The following PRKN variants were observed in gnomAD, a reference collection of about 807,000 sequenced individuals.
PRKN encodes the protein parkin RBR E3 ubiquitin protein ligase.
In PRKN, 56 loss-of-function variants were observed where a neutral mutation model predicts 59.5. The observed-to-expected ratio is 0.94, with a 90% CI of 0.76 to 1.18. The LOEUF (loss-of-function observed/expected upper bound fraction) is 1.18, where lower values mean the gene tolerates loss of function less well. Ranked by LOEUF, PRKN falls within the 50% of genes most tolerant of loss-of-function variation. PRKN has a pLI of 0.00. For synonymous variants in PRKN, 250 were observed against 222.1 expected (o/e 1.13, Z -1.12); for missense variants, 657 against 596.4 (o/e 1.10, Z -1.06).
chr6:161,834,795 G>A (rs9458396), intron 6 of PRKN, among the ~76,000 whole-genome samples: 4,443 of 152,322 alleles, frequency 0.029, 232 homozygotes, highest in African/African-American at 0.1. Context: ...GCGATGGGAG[G>A]GGTCCCTCCC....
chr6:162,243,940 C>G (rs534617646), intron 3 of PRKN, among the ~76,000 whole-genome samples: 1 of 152,050 alleles, frequency 6.6e-6, no homozygotes, highest in South Asian at 2.1e-4. Context: ...TGGGCAACAA[C>G]TGTCAAACAG....
At chr6:161,662,118 A>C (rs1056237405) in intron 7 of PRKN, among the ~76,000 whole-genome samples, 2 of 152,182 alleles carry the variant, frequency 1.3e-5, no homozygotes, top group African/African-American at 2.4e-5. Flanking sequence ...AGCTGCACAG[A>C]GGGAAAGTTC....
chr6:161,778,937 A>C (rs556113282), intron 7 of PRKN, among the ~76,000 whole-genome samples: 5 of 152,110 alleles, frequency 3.3e-5, no homozygotes, highest in African/African-American at 1.2e-4. Flanking sequence ...TATTATTAAT[A>C]TATGTTATTT....
At position 161,370,611 on chromosome 6, in the gene PRKN, A is replaced by AAAAAAAAAAAAG. The variant is rs1554253822; in HGVS notation, c.1168-10407_1168-10406insCTTTTTTTTTTT. On this transcript the variant is annotated intron_variant, in intron 10 of 11. Transcript: ENST00000366898. ...TGTGTCAAAAAAAAAAAAAAAAAAA[A>AAAAAAAAAAAAG]GCCGAATTAGCGCCTAGGAGACACA... is the stretch of plus-strand genomic sequence containing the variant. 1.9e-3 allele frequency among the ~76,000 whole-genome samples: 273 copies of AAAAAAAAAAAAG among 147,000 alleles called. 6 individuals are homozygous for AAAAAAAAAAAAG. Among genetic ancestry groups the AAAAAAAAAAAAG allele is most frequent in the African/African-American group, 7.1e-3 (268 of 37,580 alleles).
At chr6:161,807,255 G>A (rs927873966) in intron 6 of PRKN, among the ~76,000 whole-genome samples, 7 of 152,088 alleles carry the variant, frequency 4.6e-5, no homozygotes, top group South Asian at 2.1e-4. Context: ...ACACACACAC[G>A]AATACACACA....
chr6:162,588,299 C>T (rs377451755), intron 1 of PRKN, among the ~76,000 whole-genome samples: 17 of 151,692 alleles, frequency 1.1e-4, no homozygotes, highest in Admixed American at 4.6e-4. Flanking sequence ...GTGTGCACCG[C>T]GGCGCCCACC....
chr6:162,635,434 T>C (rs1259352602), intron 1 of PRKN, among the ~76,000 whole-genome samples: 3 of 152,218 alleles, frequency 2.0e-5, no homozygotes, highest in Non-Finnish European at 4.4e-5. Context: ...GGATCCCACA[T>C]ACTCAAAAGG....
At chr6:162,378,562 C>T (rs946409619) in intron 2 of PRKN, among the ~76,000 whole-genome samples, 2 of 152,220 alleles carry the variant, frequency 1.3e-5, no homozygotes, top group African/African-American at 2.4e-5. Flanking sequence ...TTCAAGCTTT[C>T]GTCTGCTATA....
chr6:162,714,145 C>T (rs929411267), intron 1 of PRKN, among the ~76,000 whole-genome samples: 21 of 152,252 alleles, frequency 1.4e-4, no homozygotes, highest in African/African-American at 3.4e-4. Flanking sequence ...CGGCATGTCC[C>T]GTGACTTAAT....
intron 1 of PRKN, among the ~76,000 whole-genome samples, chr6:162,475,405 G>T (rs943887851): frequency 4.6e-5 from 7 of 152,276 alleles, no homozygotes; most frequent in Middle Eastern, 3.4e-3. Context: ...AAGAACGAGA[G>T]AAATAACAGA....
At chr6:161,804,892 T>C (rs1365533732) in intron 6 of PRKN, among the ~76,000 whole-genome samples, 2 of 152,238 alleles carry the variant, frequency 1.3e-5, no homozygotes, top group South Asian at 2.1e-4. Context: ...TTTCCACATA[T>C]GTAAATAGGT....
At chr6:162,040,685 C>A (rs1170558317) in intron 5 of PRKN, among the ~76,000 whole-genome samples, 1 of 149,448 alleles carries the variant, frequency 6.7e-6, no homozygotes, top group Non-Finnish European at 1.5e-5. Flanking sequence ...TCTCAAAGTG[C>A]TGGGATTACA....
intron 4 of PRKN, among the ~76,000 whole-genome samples, chr6:162,083,346 A>G (rs1459450078): frequency 1.3e-5 from 2 of 152,122 alleles, no homozygotes; most frequent in East Asian, 3.9e-4. Context: ...GTGGGCACAT[A>G]CTGTTGGAAA....
At chr6:162,556,231 A>T (rs1014500310) in intron 1 of PRKN, among the ~76,000 whole-genome samples, 1 of 152,064 alleles carries the variant, frequency 6.6e-6, no homozygotes, top group Non-Finnish European at 1.5e-5. Context: ...ACAAGAAGTT[A>T]TTTACCATTG....
At chr6:162,335,277 G>C (rs1415594720) in intron 2 of PRKN, among the ~76,000 whole-genome samples, 4 of 151,856 alleles carry the variant, frequency 2.6e-5, no homozygotes, top group African/African-American at 9.7e-5. Context: ...CCTGACCTCA[G>C]GTGATCTGCC....
chr6:161,664,598 A>G (rs1307536736), intron 7 of PRKN, among the ~76,000 whole-genome samples: 1 of 152,200 alleles, frequency 6.6e-6, no homozygotes, highest in African/African-American at 2.4e-5. Flanking sequence ...AAAGTTATTC[A>G]TGACAGCTTA....
chr6:161,678,826 C>T (rs539544099), intron 7 of PRKN, among the ~76,000 whole-genome samples: 34 of 152,226 alleles, frequency 2.2e-4, no homozygotes, highest in African/African-American at 8.2e-4. Flanking sequence ...CTTGGCCTCC[C>T]AAAGTGCGGA....
intron 6 of PRKN, among the ~76,000 whole-genome samples, chr6:161,889,719 A>G (rs894240752): frequency 4.6e-5 from 7 of 152,206 alleles, no homozygotes; most frequent in Non-Finnish European, 1.0e-4. Flanking sequence ...CAACTGTAAG[A>G]CAATTTAAAA....
intron 1 of PRKN, among the ~76,000 whole-genome samples, chr6:162,477,942 C>G (rs1300504092): frequency 1.3e-5 from 2 of 152,160 alleles, no homozygotes; most frequent in African/African-American, 4.8e-5. Context: ...TGTTTCCCGG[C>G]TTCTGCAACT....
Sources: gnomAD v4.1 joint callset for allele counts (sites outside exome capture counted in the v4.1 genomes callset) on GRCh38, gnomAD v4.1.1 for gene constraint, MANE v1.5 for transcripts, NCBI Gene and HGNC (gene_info 2026-07-23, HGNC 2026-07-21) for gene names.